Variants in RAD51B observed in about 807,000 individuals in gnomAD.
The protein encoded by RAD51B is DNA repair protein RAD51 homolog 2.
RAD51B carries 38 observed loss-of-function variants against 42.2 expected under a neutral mutation model. The observed-to-expected ratio is 0.90, with a 90% confidence interval of 0.70 to 1.18. The LOEUF is 1.18. RAD51B is among the 50% of genes most tolerant of loss of function. The pLI, the probability that RAD51B is intolerant of heterozygous loss-of-function variation, is 0.00. For synonymous variants in RAD51B, 154 were observed against 145.2 expected (o/e 1.06, Z -0.43); for missense variants, 373 against 400.7 (o/e 0.93, Z 0.59).
At chr14:68,282,821 G>T (rs2081344997) in intron 7 of RAD51B, among the ~76,000 whole-genome samples, 2 of 152,170 alleles carry the variant, frequency 1.3e-5, no homozygotes, top group African/African-American at 4.8e-5. Flanking sequence ...GATGCCATTT[G>T]TGCTGGTGGC....
intron 7 of RAD51B, among the ~76,000 whole-genome samples, chr14:68,088,483 ATCT>A (rs2077035615): frequency 6.7e-6 from 1 of 150,152 alleles, no homozygotes; most frequent in South Asian, 2.1e-4. Context: ...CTCTTTTTTC[ATCT>A]TCTTCCTTTC....
chr14:67,866,202 A>G (rs914291965), intron 5 of RAD51B, among the ~76,000 whole-genome samples: 5 of 152,250 alleles, frequency 3.3e-5, no homozygotes, highest in Non-Finnish European at 1.5e-5. Flanking sequence ...AAACAGATTT[A>G]AAAGCCTTAT....
intron 10 of RAD51B, among the ~76,000 whole-genome samples, chr14:68,549,059 G>A (rs1888379771): frequency 1.3e-5 from 2 of 152,164 alleles, no homozygotes; most frequent in South Asian, 4.1e-4. Flanking sequence ...TGGCATTTCA[G>A]GCCCTGGGAG....
chr14:68,096,824 G>T (rs1351389873), intron 7 of RAD51B, among the ~76,000 whole-genome samples: 1 of 152,180 alleles, frequency 6.6e-6, no homozygotes, highest in African/African-American at 2.4e-5. Context: ...GTGTGTGCCA[G>T]TCTTACTCCT....
intron 7 of RAD51B, among the ~76,000 whole-genome samples, chr14:67,896,924 G>A (rs1432426233): frequency 6.6e-6 from 1 of 152,072 alleles, no homozygotes; most frequent in Non-Finnish European, 1.5e-5. Flanking sequence ...AGAATAGAGA[G>A]CCCAGAAATA....
chr14:68,553,701 AGAGGTGGGGTG>A (rs1888687640), intron 10 of RAD51B, among the ~76,000 whole-genome samples: 1 of 21,884 alleles, frequency 4.6e-5, no homozygotes, highest in African/African-American at 1.9e-4. Context: ...AGACAAAAGC[AGAGGTGGGGTG>A]GAGGTGGGTG....
chr14:67,937,228 A>G (rs2044987608), intron 7 of RAD51B, among the ~76,000 whole-genome samples: 1 of 152,228 alleles, frequency 6.6e-6, no homozygotes, highest in Admixed American at 6.5e-5. Context: ...CCAAAAAAGA[A>G]CAGAAGCTGC....
intron 7 of RAD51B, among the ~76,000 whole-genome samples, chr14:67,940,054 A>ATATATAT (rs2045136393): frequency 1.4e-4 from 2 of 14,560 alleles, no homozygotes; most frequent in African/African-American, 2.3e-4. Flanking sequence ...ATATATATAT[A>ATATATAT]TTTTTTTTTT....
chr14:68,082,769 A>G (rs1024780842), intron 7 of RAD51B, among the ~76,000 whole-genome samples: 17 of 152,178 alleles, frequency 1.1e-4, no homozygotes, highest in South Asian at 4.1e-4. Flanking sequence ...TTTTCATTAC[A>G]ATGACTAATG....
Position 68,304,976 on chromosome 14 carries a change from C to A in RAD51B, c.853+12996C>A, listed in dbSNP as rs80258459. Among the ~76,000 whole-genome samples, 991 of 152,310 alleles carry A rather than the reference C, an allele frequency of 6.5e-3. 7 individuals carry two copies. Among genetic ancestry groups the A allele is most frequent in the African/African-American group, 0.021 (852 of 41,550 alleles). ...GCAATCTTTTGAATCTATAACCCAT[C>A]ATTTTTTAGCATATTGCCCCAAAGT... On this transcript the variant is annotated intron_variant, in intron 8 of 10. Coordinates refer to ENST00000471583, the MANE Select transcript of RAD51B (RefSeq NM_133510.4).
intron 10 of RAD51B, among the ~76,000 whole-genome samples, chr14:68,551,197 C>G (rs1489981505): frequency 6.6e-6 from 1 of 152,154 alleles, no homozygotes; most frequent in East Asian, 1.9e-4. Flanking sequence ...TCTTCACTTC[C>G]ACATCATCCT....
At chr14:68,429,116 G>C (rs1193450721) in intron 9 of RAD51B, among the ~76,000 whole-genome samples, 1 of 151,994 alleles carries the variant, frequency 6.6e-6, no homozygotes, top group Non-Finnish European at 1.5e-5. Context: ...AGTATTCCAC[G>C]GTGTATATGT....
At chr14:68,331,231 G>A (rs895175722) in intron 8 of RAD51B, among the ~76,000 whole-genome samples, 8 of 151,250 alleles carry the variant, frequency 5.3e-5, no homozygotes, top group East Asian at 1.9e-4. Flanking sequence ...GCATGGTGGC[G>A]CGTGCCTATA....
chr14:67,960,643 CA>C (rs1297827612), intron 7 of RAD51B, among the ~76,000 whole-genome samples: 4 of 152,074 alleles, frequency 2.6e-5, no homozygotes, highest in African/African-American at 7.2e-5. Flanking sequence ...AACAATTTGC[CA>C]CACTCAGAGG....
intron 7 of RAD51B, among the ~76,000 whole-genome samples, chr14:68,085,504 AAAG>A (rs2076970962): frequency 6.6e-6 from 1 of 152,174 alleles, no homozygotes; most frequent in Admixed American, 6.5e-5. Flanking sequence ...AGAGTTTGAA[AAAG>A]AAGGGAGTGT....
intron 7 of RAD51B, among the ~76,000 whole-genome samples, chr14:68,092,430 G>A (rs1300703558): frequency 2.0e-5 from 3 of 152,056 alleles, no homozygotes; most frequent in Admixed American, 6.5e-5. Context: ...TTGTAAGTTC[G>A]ATTCCTAGGT....
intron 8 of RAD51B, among the ~76,000 whole-genome samples, chr14:68,356,708 G>A (rs1267813090): frequency 7.9e-5 from 12 of 152,134 alleles, no homozygotes; most frequent in African/African-American, 1.7e-4. Flanking sequence ...TAGGCCGGGC[G>A]CGGTGGCTCA....
chr14:68,354,048 G>A (rs137911244), intron 8 of RAD51B, among the ~76,000 whole-genome samples: 102 of 152,240 alleles, frequency 6.7e-4, no homozygotes, highest in African/African-American at 2.4e-3. Context: ...AACTGTTGAC[G>A]ATAGCAATGT....
intron 10 of RAD51B, among the ~76,000 whole-genome samples, chr14:68,645,717 G>C (rs1214607376): frequency 1.3e-5 from 2 of 151,888 alleles, no homozygotes; most frequent in African/African-American, 4.8e-5. Context: ...ATGCTTGCTT[G>C]GTTTTTTAAG....
Sources: gnomAD v4.1 joint callset for allele counts (sites outside exome capture counted in the v4.1 genomes callset) on GRCh38, gnomAD v4.1.1 for gene constraint, MANE v1.5 for transcripts, NCBI Gene and HGNC (gene_info 2026-07-23, HGNC 2026-07-21) for gene names.